Variants in GALNT18 observed in about 807,000 individuals in gnomAD.
The protein encoded by GALNT18 is polypeptide N-acetylgalactosaminyltransferase 18, also known as GalNAc-transferase 18.
In GALNT18, 44 loss-of-function variants were observed where a neutral mutation model predicts 69.5. The observed-to-expected ratio is 0.63, with a 90% CI of 0.50 to 0.81. GALNT18 has a LOEUF of 0.81. Ranked by LOEUF, GALNT18 falls within the 40% of genes least tolerant of loss-of-function variation. The pLI, the probability that GALNT18 is intolerant of heterozygous loss-of-function variation, is 0.00. For missense variants in GALNT18, 715 were observed against 810.0 expected (o/e 0.88, Z 1.42); for synonymous variants, 364 against 318.2 (o/e 1.14, Z -1.53).
In GALNT18 at chr11:11,298,101, T is replaced by C. The variant is rs1590019412; in HGVS notation, c.1513-4908A>G. On this transcript the variant is annotated intron_variant, in intron 9 of 10. Transcript: ENST00000227756. ...TAACGTCCCCCAGGGCCGGAGGTTC[T>C]CCTGACTCTGTCCCTCACCTTGGGG... 2.0e-5 allele frequency among the ~76,000 whole-genome samples: 3 copies of C among 152,260 alleles called. 1 individual carries two copies. Among genetic ancestry groups the C allele is most frequent in the South Asian group, 4.2e-4 (2 of 4,818 alleles).
intron 2 of GALNT18, among the ~76,000 whole-genome samples, chr11:11,442,321 T>C (rs1351213339): frequency 6.6e-6 from 1 of 152,178 alleles, no homozygotes; most frequent in Non-Finnish European, 1.5e-5. Flanking sequence ...AAAACTTCCT[T>C]AGTTTAAAGC....
intron 1 of GALNT18, among the ~76,000 whole-genome samples, chr11:11,550,144 G>T (rs1370410850): frequency 6.6e-6 from 1 of 152,244 alleles, no homozygotes; most frequent in Non-Finnish European, 1.5e-5. Context: ...CACAGGGGCA[G>T]GGACTGCTCA....
In GALNT18 at chr11:11,620,249, G is replaced by T. The variant is rs1860155038; in HGVS notation, c.235+1110C>A. 1.3e-5 allele frequency among the ~76,000 whole-genome samples: 2 copies of T among 152,084 alleles called. No individual in the cohort carries two copies. Among genetic ancestry groups the T allele is most frequent in the Admixed American group, 6.5e-5 (1 of 15,286 alleles). ...TTACAGGGGAACCAAGCTCGGCCCT[G>T]CCCTTAAGAAGCTCACACACCTGGA... On this transcript the variant is annotated intron_variant, in intron 1 of 10. Transcript: ENST00000227756. The surrounding 1 kb of genome is among the most constrained non-coding windows in gnomAD (Gnocchi z 6.9).
chr11:11,490,715 GA>G (rs1856752011), intron 1 of GALNT18, among the ~76,000 whole-genome samples: 2 of 152,124 alleles, frequency 1.3e-5, no homozygotes. Flanking sequence ...AGACAGCCCA[GA>G]AGGTCCAGAA....
At chr11:11,378,314 A>G (rs1438944103) in intron 4 of GALNT18, among the ~76,000 whole-genome samples, 2 of 152,176 alleles carry the variant, frequency 1.3e-5, no homozygotes, top group Non-Finnish European at 2.9e-5. Flanking sequence ...CCCCAGTGAC[A>G]ACAGGCATAT....
chr11:11,405,108 G>A (rs1411103950), intron 3 of GALNT18, among the ~76,000 whole-genome samples: 3 of 152,086 alleles, frequency 2.0e-5, no homozygotes, highest in Non-Finnish European at 4.4e-5. Flanking sequence ...CTTGAGCCCC[G>A]GCCGTGGCAA....
chr11:11,419,203 C>G (rs1161287351), intron 3 of GALNT18, among the ~76,000 whole-genome samples: 1 of 152,224 alleles, frequency 6.6e-6, no homozygotes, highest in Non-Finnish European at 1.5e-5. Context: ...TCCAGAAAAA[C>G]TAGCCTTCTG....
chr11:11,378,895 A>G (rs1853839764), intron 4 of GALNT18, among the ~76,000 whole-genome samples, 186 bp downstream of exon 4: 1 of 151,824 alleles, frequency 6.6e-6, no homozygotes, highest in African/African-American at 2.4e-5. Context: ...CCTCCCCTCT[A>G]CCACACCTCG....
At position 11,332,059 on chromosome 11, in the gene GALNT18, G is replaced by T. The variant is rs1564898114; in HGVS notation, c.1416+635C>A. 6.6e-6 allele frequency among the ~76,000 whole-genome samples: 1 copy of T among 152,088 alleles called. No individual in the cohort carries two copies. The highest frequency in any genetic ancestry group is 1.9e-4 in the East Asian group (1 of 5,160). On this transcript the variant is annotated intron_variant, in intron 8 of 10. Coordinates refer to ENST00000227756, the MANE Select transcript of GALNT18 (RefSeq NM_198516.3). The surrounding 1 kb of genome is among the most constrained non-coding windows in gnomAD (Gnocchi z 4.3). ...GTATTGAATTACCCCCATTTAACAGGTGAAGAAACTGAGGCCCATGACATT... is the reference window on the plus strand; with the variant it reads ...GTATTGAATTACCCCCATTTAACAGTTGAAGAAACTGAGGCCCATGACATT...
At chr11:11,533,507 C>T (rs1026957475) in intron 1 of GALNT18, among the ~76,000 whole-genome samples, 2 of 152,204 alleles carry the variant, frequency 1.3e-5, no homozygotes, top group Non-Finnish European at 2.9e-5. Flanking sequence ...AGGCGACGTT[C>T]GCTCAGAGAC....
Position 11,309,739 on chromosome 11 carries a change from A to C in GALNT18, c.1513-16546T>G, listed in dbSNP as rs1188901521. ...CCTGCTCAGCAGCTGAGCCACTTTC[A>C]CTCTGCAGGGTTTCTAAACCTTCTC... On this transcript the variant is annotated intron_variant, in intron 9 of 10. Coordinates refer to ENST00000227756, the MANE Select transcript of GALNT18 (RefSeq NM_198516.3). The surrounding 1 kb of genome is among the most constrained non-coding windows in gnomAD (Gnocchi z 4.6). 4.6e-5 allele frequency among the ~76,000 whole-genome samples: 7 copies of C among 151,542 alleles called. No individual in the cohort carries two copies. Among genetic ancestry groups the C allele is most frequent in the Admixed American group, 2.6e-4 (4 of 15,226 alleles).
At chr11:11,483,643 G>A (rs956238323) in intron 1 of GALNT18, among the ~76,000 whole-genome samples, 3 of 152,106 alleles carry the variant, frequency 2.0e-5, no homozygotes, top group East Asian at 3.9e-4. Context: ...AGGTCAGCAC[G>A]CCAACTTCAT....
chr11:11,352,647 T>C (rs1850437705), intron 6 of GALNT18: 1 of 1,614,196 alleles, frequency 6.2e-7, no homozygotes, highest in South Asian at 1.1e-5. Flanking sequence ...ATTATGGGGC[T>C]TGACATCTCT....
At chr11:11,537,221 C>CA (rs11380776) in intron 1 of GALNT18, among the ~76,000 whole-genome samples, 73,500 of 151,908 alleles carry the variant, frequency 0.48, 18,721 homozygotes, top group East Asian at 0.81. Context: ...CACAGTTAAT[C>CA]GGGGTGGAGC....
rs1046048432 is a variant in GALNT18 at position 11,540,469 on chromosome 11, C to T, written c.235+80890G>A. Among the ~76,000 whole-genome samples, 9 of 152,186 alleles carry T rather than the reference C, an allele frequency of 5.9e-5. No individual in the cohort carries two copies. Among genetic ancestry groups the T allele is most frequent in the Non-Finnish European group, 1.0e-4 (7 of 68,012 alleles). On this transcript the variant is annotated intron_variant, in intron 1 of 10. Transcript: ENST00000227756. This position sits in a 1 kb window ranked among gnomAD's most constrained non-coding sequence, Gnocchi z 4.6. ...GGTGATACCTTGCCAATAGGAGACA[C>T]GGCTGTTCCTCATTTCATGACCAAG...
intron 2 of GALNT18, among the ~76,000 whole-genome samples, chr11:11,445,162 C>T (rs932840918): frequency 2.0e-5 from 3 of 152,212 alleles, no homozygotes; most frequent in African/African-American, 2.4e-5. Context: ...CAAATAGATG[C>T]CTCAAGGCAG....
intron 10 of GALNT18, among the ~76,000 whole-genome samples, chr11:11,286,787 G>C (rs1003947321): frequency 3.9e-5 from 6 of 152,090 alleles, no homozygotes; most frequent in African/African-American, 1.4e-4. Flanking sequence ...GAAATAAGGG[G>C]TAAATGATGC....
At chr11:11,352,672 T>A (rs549744081) in intron 6 of GALNT18, 3 of 1,613,438 alleles carry the variant, frequency 1.9e-6, no homozygotes, top group Non-Finnish European at 2.5e-6. Context: ...ATAATTCCCA[T>A]GCTGTGACAA....
At chr11:11,321,206 G>T (rs915520729) in intron 9 of GALNT18, among the ~76,000 whole-genome samples, 6 of 152,178 alleles carry the variant, frequency 3.9e-5, no homozygotes, top group African/African-American at 1.4e-4. Context: ...GCCCAATCCA[G>T]CTTTATCATC....
Sources: gnomAD v4.1 joint callset for allele counts (sites outside exome capture counted in the v4.1 genomes callset) on GRCh38, gnomAD v4.1.1 for gene constraint, Gnocchi (gnomAD v3.1) non-coding constraint, MANE v1.5 for transcripts, NCBI Gene and HGNC (gene_info 2026-07-23, HGNC 2026-07-21) for gene names.